ERBIN: variants seen among roughly 807,000 people sequenced by gnomAD.
ERBIN encodes the protein densin-180-like protein.
Under a neutral mutation model 158.4 loss-of-function variants are expected in ERBIN, and 60 were observed. The observed-to-expected ratio is 0.38, with a 90% CI of 0.31 to 0.47. ERBIN has a LOEUF of 0.47. ERBIN is among the 20% of genes least tolerant of loss of function. ERBIN has a pLI of 0.99. For synonymous variants in ERBIN, 594 were observed against 557.2 expected (o/e 1.07, Z -0.93); for missense variants, 1,610 against 1,648.0 (o/e 0.98, Z 0.40).
chr5:66,024,569 A>G, intron 10 of ERBIN, 119 bp downstream of exon 10: 1 of 1,002,280 alleles, frequency 1.0e-6, no homozygotes, highest in Non-Finnish European at 1.4e-6. Context: ...AACGGATTTT[A>G]TTTGAATTTT....
At chr5:66,070,024 TATTTATTTATTTATTC>T (rs1561454988) in intron 21 of ERBIN, among the ~76,000 whole-genome samples, 1 of 152,036 alleles carries the variant, frequency 6.6e-6, no homozygotes, top group African/African-American at 2.4e-5. Context: ...CTCCCAATTT[TATTTATTTATTTATTC>T]ATTTATTTAT....
At chr5:65,984,320 A>G (rs78761218) in intron 1 of ERBIN, among the ~76,000 whole-genome samples, 1,696 of 152,206 alleles carry the variant, frequency 0.011, 27 homozygotes, top group African/African-American at 0.038. Flanking sequence ...TCAGATCTAC[A>G]CTGAGGGCAG....
At chr5:66,057,094 A>G (rs1361179965) in intron 21 of ERBIN, among the ~76,000 whole-genome samples, 1 of 152,232 alleles carries the variant, frequency 6.6e-6, no homozygotes, top group African/African-American at 2.4e-5. Flanking sequence ...AAAAGAATTT[A>G]AATTTTTAAA....
chr5:65,962,563 A>G (rs1748041533), intron 1 of ERBIN, among the ~76,000 whole-genome samples: 3 of 152,200 alleles, frequency 2.0e-5, no homozygotes. Flanking sequence ...TAGACATTTC[A>G]TAAATGAAGG....
chr5:66,052,100 G>A (rs1271139082), intron 20 of ERBIN, among the ~76,000 whole-genome samples: 3 of 151,846 alleles, frequency 2.0e-5, no homozygotes, highest in African/African-American at 7.3e-5. Flanking sequence ...GAGAGGCCAA[G>A]GTGGGAGGTT....
intron 1 of ERBIN, among the ~76,000 whole-genome samples, chr5:65,933,825 A>G (rs967689225): frequency 1.3e-5 from 2 of 152,208 alleles, no homozygotes; most frequent in Admixed American, 6.5e-5. Flanking sequence ...AATGACTGAC[A>G]TATGGAAAAG....
intron 4 of ERBIN, among the ~76,000 whole-genome samples, chr5:66,009,334 C>G (rs1388305778): frequency 6.6e-6 from 1 of 152,066 alleles, no homozygotes; most frequent in Non-Finnish European, 1.5e-5. Flanking sequence ...AGGAAAAATT[C>G]AATAATGTTA....
intron 1 of ERBIN, among the ~76,000 whole-genome samples, chr5:65,975,640 GTT>G (rs1201828080): frequency 2.6e-5 from 4 of 152,156 alleles, no homozygotes; most frequent in Non-Finnish European, 5.9e-5. Context: ...TTTAAGAACT[GTT>G]TTTCTTGAAA....
intron 4 of ERBIN, among the ~76,000 whole-genome samples, chr5:65,995,323 A>G (rs965067998): frequency 2.7e-5 from 4 of 149,974 alleles, no homozygotes; most frequent in Admixed American, 6.6e-5. Context: ...CCACCATGCT[A>G]CTCTGCCTCT....
chr5:65,976,974 CT>C (rs1749959578), intron 1 of ERBIN, among the ~76,000 whole-genome samples: 1 of 152,196 alleles, frequency 6.6e-6, no homozygotes, highest in Admixed American at 6.5e-5. Flanking sequence ...CCTTTCCCCT[CT>C]TTCTATTCCA....
intron 1 of ERBIN, among the ~76,000 whole-genome samples, chr5:65,976,785 C>T (rs371675972): frequency 6.6e-6 from 1 of 151,426 alleles, no homozygotes; most frequent in Admixed American, 6.6e-5. Context: ...TTAATCCATT[C>T]AACCCTGAGT....
At chr5:65,928,673 T>C (rs962988596) in intron 1 of ERBIN, among the ~76,000 whole-genome samples, 2 of 152,222 alleles carry the variant, frequency 1.3e-5, no homozygotes, top group African/African-American at 4.8e-5. Context: ...TTTTATGAAG[T>C]GAGGTGTTCA....
At chr5:66,003,240 G>A (rs1340272977) in intron 4 of ERBIN, among the ~76,000 whole-genome samples, 1 of 152,166 alleles carries the variant, frequency 6.6e-6, no homozygotes, top group Non-Finnish European at 1.5e-5. Context: ...GTGGGATGTT[G>A]ACACCTGCCT....
chr5:65,977,403 G>A (rs1417524903), intron 1 of ERBIN, among the ~76,000 whole-genome samples: 1 of 151,742 alleles, frequency 6.6e-6, no homozygotes, highest in Non-Finnish European at 1.5e-5. Flanking sequence ...TCTCAGACGG[G>A]GCGGCTGCCG....
intron 1 of ERBIN, among the ~76,000 whole-genome samples, chr5:65,973,621 A>G (rs1445573113): frequency 6.6e-6 from 1 of 151,120 alleles, no homozygotes; most frequent in Non-Finnish European, 1.5e-5. Context: ...CACTGCATAA[A>G]AACATTTTAT....
chr5:65,986,478 C>T (rs893835839), intron 1 of ERBIN, among the ~76,000 whole-genome samples: 6 of 152,114 alleles, frequency 3.9e-5, no homozygotes, highest in African/African-American at 9.7e-5. Context: ...TCTTAGAGAA[C>T]GTTAAACACA....
rs553779664 is a variant in ERBIN, at chr5:65,996,599, G to A, written c.307+1735G>A. Among the ~76,000 whole-genome samples the A allele has an allele frequency of 1.9e-4, 29 of 152,108 alleles. No individual in the cohort carries two copies. In the South Asian group the frequency reaches 5.4e-3, roughly 28 times the overall value. ...TGCCGTTTAGTTCTTTTTGTTCACC[G>A]TTGCTTTGGGTATTCAGTCTTTTGT... On this transcript the variant is annotated intron_variant, in intron 4 of 25. Coordinates refer to ENST00000284037, the MANE Select transcript of ERBIN (RefSeq NM_001253697.2).
chr5:66,081,035 CATTTTT>C lies in ERBIN; in HGVS notation c.*2507_*2512del, dbSNP rs377313409. 1.6e-3 allele frequency: 244 copies of C among 152,026 alleles called. 1 individual carries two copies. Among genetic ancestry groups the C allele is most frequent in the African/African-American group, 5.7e-3 (235 of 41,534 alleles). The allele number at this position is 152,026 out of a possible 1,614,324, so 9.4% of individuals were successfully genotyped here. A position where few individuals can be genotyped will look rare whatever the true frequency, so the allele number is the denominator to read the frequency against. The stretch of plus-strand genomic sequence containing the variant: ...AAATTTTTTGAGGAAGTGGAGAAGA[CATTTTT>C]AGTTTATATATTGTTGAGTAAATTG... On this transcript the variant is annotated 3_prime_UTR_variant, in exon 26 of 26. Transcript: ENST00000284037.
chr5:66,042,128 C>G (rs539558832), intron 15 of ERBIN, among the ~76,000 whole-genome samples: 18 of 151,868 alleles, frequency 1.2e-4, no homozygotes, highest in Admixed American at 7.9e-4. Flanking sequence ...CAGAAATATT[C>G]GAATTGACCA....
Sources: allele counts gnomAD v4.1 joint callset (sites outside exome capture counted in the v4.1 genomes callset), GRCh38; gene constraint gnomAD v4.1.1; transcripts MANE v1.5; gene names NCBI Gene and HGNC (gene_info 2026-07-23, HGNC 2026-07-21).